Variants in IL16 observed in about 807,000 individuals in gnomAD.
IL16 encodes the protein interleukin 16, also known as pro-interleukin-16.
Under a neutral mutation model 110.1 loss-of-function variants are expected in IL16, and 67 were observed. That is an observed-to-expected ratio of 0.61 (90% CI 0.50 to 0.75). The LOEUF is 0.75. IL16 is among the 30% of genes least tolerant of loss of function. The probability of loss-of-function intolerance (pLI) is 0.00; values close to 1 mark genes in which losing one functional copy is unlikely to be tolerated. For synonymous variants in IL16, 689 were observed against 662.9 expected, an observed-to-expected ratio of 1.04 and a Z score of -0.61; for missense variants, 1,545 against 1,655.0, an observed-to-expected ratio of 0.93 and a Z score of 1.15.
chr15:81,243,163 A>ATTTTT (rs1219851899), intron 2 of IL16, among the ~76,000 whole-genome samples: 218 of 15,046 alleles, frequency 0.014, 62 homozygotes, highest in Middle Eastern at 0.1. Context: ...ATATATATAT[A>ATTTTT]TTTTTTTTTT....
intron 1 of IL16, among the ~76,000 whole-genome samples, chr15:81,221,580 C>T (rs908031150): frequency 1.3e-5 from 2 of 152,148 alleles, no homozygotes; most frequent in Non-Finnish European, 2.9e-5. Flanking sequence ...TATTCTCTCT[C>T]CCTTCCTCCC....
chr15:81,227,369 T>C (rs1896823570), intron 2 of IL16, among the ~76,000 whole-genome samples: 1 of 152,050 alleles, frequency 6.6e-6, no homozygotes, highest in African/African-American at 2.4e-5. Context: ...GAAAAGGTAA[T>C]CACAAAGGCT....
intron 10 of IL16, among the ~76,000 whole-genome samples, chr15:81,288,979 C>A (rs1410211235): frequency 6.6e-6 from 1 of 152,054 alleles, no homozygotes; most frequent in African/African-American, 2.4e-5. Context: ...GACTTCCCTT[C>A]TTTTAGGGTA....
chr15:81,265,516 C>A, intron 3 of IL16, 143 bp from the exon 4 acceptor site: 1 of 841,484 alleles, frequency 1.2e-6, no homozygotes, highest in Non-Finnish European at 1.8e-6. Context: ...GCCACCTCTC[C>A]CCACCACGCA....
chr15:81,200,534 T>TA (rs1307396846), intron 1 of IL16, among the ~76,000 whole-genome samples: 1 of 140,774 alleles, frequency 7.1e-6, no homozygotes, highest in African/African-American at 3.2e-5. Context: ...CACACCTGGA[T>TA]AATTTTTTGT....
At chr15:81,279,806 G>GGTCTCCCAGCACTGGCTGA in intron 8 of IL16, 32 bp downstream of exon 8, 1 of 1,587,010 alleles carries the variant, frequency 6.3e-7, no homozygotes, top group Non-Finnish European at 8.6e-7. Context: ...CCCGTGCCTG[G>GGTCTCCCAGCACTGGCTGA]GTCTCCCAGC....
At position 81,311,875 on chromosome 15, in the gene IL16, A is replaced by G. The variant is rs1001502582; in HGVS notation, c.*3077A>G. 3 of 152,242 alleles carry G rather than the reference A, an allele frequency of 2.0e-5. No homozygotes were observed. Among genetic ancestry groups the G allele is most frequent in the African/African-American group, 7.2e-5 (3 of 41,460 alleles). The allele number at this position is 152,242 out of a possible 1,614,324, so 9.4% of individuals were successfully genotyped here. A position where few individuals can be genotyped will look rare whatever the true frequency, so the allele number is the denominator to read the frequency against. ...TTTGTAGTTGCAATAGAACAGAGAA[A>G]GAGGAAGCTTTCTGTCTCCTTAACA... On this transcript the variant is annotated 3_prime_UTR_variant, in exon 19 of 19. Transcript: ENST00000683961.
At position 81,269,409 on chromosome 15, in the gene IL16, T is replaced by TA. The variant is rs149584644; in HGVS notation, c.565-128dup. On this transcript the variant is annotated intron_variant, in intron 4 of 18. Coordinates refer to ENST00000683961, the MANE Select transcript of IL16 (RefSeq NM_172217.5). ...ACCCCACTAACCACATTCTGGTTGT[T>TA]ACGCTGCCTGCCCTTAGGAGAAAGA... 1.0e-2 allele frequency: 6,882 copies of TA among 688,896 alleles called. 312 individuals carry two copies. The African/African-American group carries it at 0.11, about 11-fold the overall frequency. 42.7% of individuals were successfully genotyped at this position (688,896 alleles called of 1,614,324 possible). A position where few individuals can be genotyped will look rare whatever the true frequency, so the allele number is the denominator to read the frequency against.
chr15:81,203,014 A>G (rs1016901360), intron 1 of IL16, among the ~76,000 whole-genome samples: 12 of 151,960 alleles, frequency 7.9e-5, no homozygotes, highest in Non-Finnish European at 1.5e-4. Flanking sequence ...AATGATCACC[A>G]TTCTAACTGG....
At chr15:81,272,941 T>TGTG in intron 5 of IL16, 149 bp from the exon 6 acceptor site, 1 of 555,804 alleles carries the variant, frequency 1.8e-6, no homozygotes, top group Non-Finnish European at 3.4e-6. Context: ...TTGTTGTTGT[T>TGTG]GTTAACCTCT....
intron 2 of IL16, among the ~76,000 whole-genome samples, chr15:81,259,056 A>G (rs2142183061): frequency 6.6e-6 from 1 of 152,326 alleles, no homozygotes; most frequent in South Asian, 2.1e-4. Flanking sequence ...TGATACAGCA[A>G]GGTAGAAAAA....
chr15:81,204,414 A>G (rs1482737491), intron 1 of IL16, among the ~76,000 whole-genome samples: 4 of 152,120 alleles, frequency 2.6e-5, no homozygotes, highest in Non-Finnish European at 5.9e-5. Flanking sequence ...TTTCAAAGGG[A>G]ATGCTTCCAG....
At chr15:81,247,457 A>G (rs1046279725) in intron 2 of IL16, among the ~76,000 whole-genome samples, 1 of 152,206 alleles carries the variant, frequency 6.6e-6, no homozygotes, top group East Asian at 1.9e-4. Context: ...ATTTTCAAAT[A>G]TGTAGTTATT....
intron 2 of IL16, among the ~76,000 whole-genome samples, chr15:81,249,940 C>G (rs978657834): frequency 6.6e-6 from 1 of 152,108 alleles, no homozygotes; most frequent in African/African-American, 2.4e-5. Context: ...GTCTAATACA[C>G]TTTTCATCCA....
chr15:81,265,331 A>T (rs1258787668), intron 3 of IL16, among the ~76,000 whole-genome samples: 2 of 152,100 alleles, frequency 1.3e-5, no homozygotes, highest in African/African-American at 4.8e-5. Flanking sequence ...CGGGGCCTGG[A>T]TCTGATGCAG....
chr15:81,218,959 G>A (rs1037497702), intron 1 of IL16, among the ~76,000 whole-genome samples: 1 of 149,818 alleles, frequency 6.7e-6, no homozygotes, highest in Non-Finnish European at 1.5e-5. Context: ...TCCATACTAC[G>A]TGCAAGGCAA....
chr15:81,257,487 C>T (rs577651888), intron 2 of IL16, among the ~76,000 whole-genome samples: 2 of 152,226 alleles, frequency 1.3e-5, no homozygotes, highest in East Asian at 3.9e-4. Context: ...ACTTTCTGCA[C>T]GACAAAGTGC....
intron 1 of IL16, among the ~76,000 whole-genome samples, chr15:81,199,028 A>T (rs1276013219): frequency 1.4e-3 from 132 of 93,686 alleles, no homozygotes; most frequent in South Asian, 7.1e-3. Context: ...TCAAAAAAAA[A>T]AAATATATAT....
In IL16 at chr15:81,197,054, G is replaced by GT. The variant is rs1220012230; in HGVS notation, c.-200_-199insT. On this transcript the variant is annotated 5_prime_UTR_variant, in exon 1 of 19. Coordinates refer to ENST00000683961, the MANE Select transcript of IL16 (RefSeq NM_172217.5). ...CAGGCCTGGGCCACAGGCTGTCCGG[G>GT]AATAAGTGGTGCTGCAATCCCTGCT... is the stretch of plus-strand genomic sequence containing the variant. The GT allele has an allele frequency of 7.8e-7, 1 of 1,288,866 alleles. No individual in the cohort carries two copies. The highest frequency in any genetic ancestry group is 5.6e-5 in the East Asian group (1 of 17,996). The allele number at this position is 1,288,866 out of a possible 1,614,324, so 79.8% of individuals were successfully genotyped here.
Sources: allele counts gnomAD v4.1 joint callset (sites outside exome capture counted in the v4.1 genomes callset), GRCh38; gene constraint gnomAD v4.1.1; transcripts MANE v1.5; gene names NCBI Gene and HGNC (gene_info 2026-07-23, HGNC 2026-07-21).